Variants in POU6F2 observed in about 807,000 individuals in gnomAD.
POU6F2 encodes POU domain, class 6, transcription factor 2.
A neutral mutation model predicts 71.3 loss-of-function variants in POU6F2; 31 were observed. The ratio of observed to expected loss-of-function variants is 0.43; its 90% CI spans 0.33 to 0.59. The LOEUF (loss-of-function observed/expected upper bound fraction) is 0.59, where lower values mean the gene tolerates loss of function less well. POU6F2 is among the 20% of genes least tolerant of loss of function. POU6F2 has a pLI of 0.04. For synonymous variants in POU6F2, 347 were observed against 355.7 expected, an observed-to-expected ratio of 0.98 and a Z score of 0.27; for missense variants, 783 against 856.8, an observed-to-expected ratio of 0.91 and a Z score of 1.07.
At chr7:39,301,872 T>A (rs1784954179) in intron 4 of POU6F2, among the ~76,000 whole-genome samples, 1 of 152,204 alleles carries the variant, frequency 6.6e-6, no homozygotes, top group Non-Finnish European at 1.5e-5. Flanking sequence ...CTTTGTTGAC[T>A]TTCTGCCTAA....
At chr7:39,262,322 G>A (rs1038739333) in intron 4 of POU6F2, among the ~76,000 whole-genome samples, 13 of 152,290 alleles carry the variant, frequency 8.5e-5, no homozygotes, top group Admixed American at 2.6e-4. Flanking sequence ...GATCTGAACG[G>A]CTCCAGTGAG....
intron 2 of POU6F2, among the ~76,000 whole-genome samples, chr7:39,185,496 A>G (rs1793514665): frequency 6.6e-6 from 1 of 152,190 alleles, no homozygotes. Flanking sequence ...AACAAAGCCT[A>G]CGTCTCAAAG....
intron 2 of POU6F2, among the ~76,000 whole-genome samples, chr7:39,158,667 G>A (rs1792924968): frequency 6.6e-6 from 1 of 152,098 alleles, no homozygotes; most frequent in African/African-American, 2.4e-5. Context: ...CTCCAGGAGA[G>A]GAAATTCGCC....
At chr7:38,979,034 G>GA (rs1441288611) in intron 1 of POU6F2, among the ~76,000 whole-genome samples, 1 of 152,104 alleles carries the variant, frequency 6.6e-6, no homozygotes, top group Admixed American at 6.6e-5. Flanking sequence ...AAGGGAGGGT[G>GA]ATTTTTCTGA....
chr7:39,227,375 T>C (rs965234763), intron 4 of POU6F2, among the ~76,000 whole-genome samples: 1 of 152,098 alleles, frequency 6.6e-6, no homozygotes, highest in African/African-American at 2.4e-5. Context: ...GAAGTTAAAA[T>C]TGTATCATGT....
intron 1 of POU6F2, among the ~76,000 whole-genome samples, chr7:39,028,699 CTTT>C (rs2128708546): frequency 6.6e-6 from 1 of 152,158 alleles, no homozygotes; most frequent in Admixed American, 6.5e-5. Flanking sequence ...TACAGGTTTT[CTTT>C]AATATCTTTC....
intron 5 of POU6F2, among the ~76,000 whole-genome samples, chr7:39,342,959 G>T (rs768435865): frequency 6.6e-6 from 1 of 152,138 alleles, no homozygotes; most frequent in Non-Finnish European, 1.5e-5. Context: ...TATTAATTTT[G>T]ATCACTCAGC....
In POU6F2 at chr7:39,433,241, C is replaced by T; in HGVS notation, c.1278C>T (p.Asn426=). The change falls in exon 7 of 10, where the codon AAC becomes AAT. Residue 426 remains asparagine (N), a synonymous_variant. Transcript: ENST00000518318. ...VIGNQILPVI[N]TQGITLSPIK... ...GGAACCAGATCCTGCCCGTGATCAACACCCAGGGCATCACGCTGTCACCCA... is the reference window on the plus strand; with the variant it reads ...GGAACCAGATCCTGCCCGTGATCAATACCCAGGGCATCACGCTGTCACCCA... 2 of 1,613,950 alleles carry T rather than the reference C, an allele frequency of 1.2e-6. No homozygotes were observed. The highest frequency in any genetic ancestry group is 1.1e-5 in the South Asian group (1 of 91,074).
chr7:39,198,785 A>G (rs1793834892), intron 2 of POU6F2, among the ~76,000 whole-genome samples: 1 of 152,240 alleles, frequency 6.6e-6, no homozygotes. Context: ...CAGTGGCAGT[A>G]GCTCAGCAGA....
chr7:39,185,598 CT>C (rs1793517193), intron 2 of POU6F2, among the ~76,000 whole-genome samples: 1 of 152,000 alleles, frequency 6.6e-6, no homozygotes. Flanking sequence ...TAGTGCTGCC[CT>C]GCGTTCCCTG....
intron 1 of POU6F2, among the ~76,000 whole-genome samples, chr7:39,053,412 T>G (rs1790437963): frequency 6.6e-6 from 1 of 152,148 alleles, no homozygotes; most frequent in African/African-American, 2.4e-5. Context: ...TCTCTGTCTC[T>G]CTTTCCTTTT....
chr7:39,403,680 C>A (rs1787353073), intron 5 of POU6F2, among the ~76,000 whole-genome samples: 1 of 152,160 alleles, frequency 6.6e-6, no homozygotes, highest in Admixed American at 6.5e-5. Flanking sequence ...TGACTGGGGA[C>A]AATACAGAGT....
intron 2 of POU6F2, among the ~76,000 whole-genome samples, chr7:39,155,257 G>A (rs1186094625): frequency 6.7e-6 from 1 of 149,258 alleles, no homozygotes; most frequent in Non-Finnish European, 1.5e-5. Context: ...TTTTTGGGGG[G>A]TGGGGGTTGG....
intron 1 of POU6F2, among the ~76,000 whole-genome samples, chr7:39,082,041 C>T (rs1286833939): frequency 6.6e-6 from 1 of 152,168 alleles, no homozygotes; most frequent in Non-Finnish European, 1.5e-5. Context: ...TTAGATCCAT[C>T]TGAGGAGACT....
At chr7:39,064,694 A>T (rs1790722895) in intron 1 of POU6F2, among the ~76,000 whole-genome samples, 1 of 151,944 alleles carries the variant, frequency 6.6e-6, no homozygotes, top group Admixed American at 6.6e-5. Flanking sequence ...TAAAAATATG[A>T]CAGCAGACAT....
chr7:39,006,502 T>A (rs924478343), intron 1 of POU6F2, among the ~76,000 whole-genome samples: 7 of 152,088 alleles, frequency 4.6e-5, no homozygotes, highest in Admixed American at 1.3e-4. Flanking sequence ...GAATTTGTTT[T>A]AAAAATATAG....
At chr7:39,413,566 AT>A (rs1054558361) in intron 6 of POU6F2, among the ~76,000 whole-genome samples, 3 of 152,190 alleles carry the variant, frequency 2.0e-5, no homozygotes, top group African/African-American at 7.2e-5. Context: ...CCAAAAAAAA[AT>A]CTGAAAAAGC....
At chr7:39,075,355 T>C (rs533300750) in intron 1 of POU6F2, among the ~76,000 whole-genome samples, 58 of 152,038 alleles carry the variant, frequency 3.8e-4, no homozygotes, top group Non-Finnish European at 6.2e-4. Flanking sequence ...CTGGAAACAG[T>C]CAAGTTTTGA....
intron 7 of POU6F2, among the ~76,000 whole-genome samples, chr7:39,436,880 T>C (rs1473234610): frequency 6.6e-6 from 1 of 152,234 alleles, no homozygotes; most frequent in Non-Finnish European, 1.5e-5. Context: ...ATTAAGATAA[T>C]CATGTGGTTT....
Sources: gnomAD v4.1 joint callset for allele counts (sites outside exome capture counted in the v4.1 genomes callset) on GRCh38, gnomAD v4.1.1 for gene constraint, MANE v1.5 for transcripts, NCBI Gene and HGNC (gene_info 2026-07-23, HGNC 2026-07-21) for gene names.